HDAC4: variants seen among roughly 807,000 people sequenced by gnomAD.
HDAC4 encodes the protein histone deacetylase 4, also known as histone deacetylase A.
Under a neutral mutation model 135.1 loss-of-function variants are expected in HDAC4, and 16 were observed. The ratio of observed to expected loss-of-function variants is 0.12; its 90% confidence interval spans 0.08 to 0.18. The LOEUF (loss-of-function observed/expected upper bound fraction) is 0.18, where lower values mean the gene tolerates loss of function less well. HDAC4 is among the 10% of genes least tolerant of loss of function. The probability of loss-of-function intolerance (pLI) is 1.00; values close to 1 mark genes in which losing one functional copy is unlikely to be tolerated. For missense variants in HDAC4, 1,143 were observed against 1,511.8 expected, an observed-to-expected ratio of 0.76 and a Z score of 4.05; for synonymous variants, 685 against 653.4, an observed-to-expected ratio of 1.05 and a Z score of -0.74.
intron 16 of HDAC4, among the ~76,000 whole-genome samples, chr2:239,100,892 G>A (rs2037553931): frequency 6.6e-6 from 1 of 152,112 alleles, no homozygotes; most frequent in African/African-American, 2.4e-5. Context: ...CTTCCAGAGG[G>A]ACGGTGGAAG....
intron 22 of HDAC4, among the ~76,000 whole-genome samples, chr2:239,075,566 G>A (rs568027955): frequency 7.2e-5 from 11 of 152,314 alleles, no homozygotes; most frequent in Admixed American, 4.6e-4. Context: ...GCCTGTGCCC[G>A]TGAGGCACGT....
intron 1 of HDAC4, among the ~76,000 whole-genome samples, chr2:239,389,409 C>A (rs1381018743): frequency 1.3e-5 from 2 of 152,290 alleles, no homozygotes; most frequent in Admixed American, 1.3e-4. Context: ...AGCAAGACCA[C>A]GAACCTGCTG....
At chr2:239,204,349 T>C (rs1410081907) in intron 3 of HDAC4, among the ~76,000 whole-genome samples, 1 of 152,192 alleles carries the variant, frequency 6.6e-6, no homozygotes, top group Non-Finnish European at 1.5e-5. Context: ...GCCTGGGCTT[T>C]ATTAGAAAAG....
rs2035621591 is a variant in HDAC4, at chr2:239,084,073, C to T, written c.2532+82G>A. On this transcript the variant is annotated intron_variant, in intron 20 of 26. Coordinates refer to ENST00000543185, the MANE Select transcript of HDAC4 (RefSeq NM_001378414.1). Reference sequence around the variant, plus strand: ...AAGCTTCCCACATCCAAGAGCCCAGCTCCTCTGTCCACACGCTGCTGTCCG... The same window carrying T: ...AAGCTTCCCACATCCAAGAGCCCAGTTCCTCTGTCCACACGCTGCTGTCCG... 6 of 954,428 alleles carry T rather than the reference C, an allele frequency of 6.3e-6. No individual in the cohort carries two copies. The East Asian group carries it at 1.0e-4, about 16-fold the overall frequency. The allele number at this position is 954,428 out of a possible 1,614,324, so 59.1% of individuals were successfully genotyped here.
At chr2:239,287,192 C>A (rs538666886) in intron 2 of HDAC4, among the ~76,000 whole-genome samples, 2 of 152,350 alleles carry the variant, frequency 1.3e-5, no homozygotes, top group Non-Finnish European at 2.9e-5. Flanking sequence ...CCTGTTTTCC[C>A]TGTGGTCCTC....
chr2:239,054,701 C>T (rs376130746), intron 25 of HDAC4, 48 bp downstream of exon 25: 4 of 1,209,722 alleles, frequency 3.3e-6, no homozygotes, highest in African/African-American at 1.5e-5. Flanking sequence ...TGGTGCAGTC[C>T]CACCCCCAGG....
chr2:239,194,819 G>A (rs2045259631), intron 3 of HDAC4, among the ~76,000 whole-genome samples: 1 of 152,228 alleles, frequency 6.6e-6, no homozygotes, highest in Admixed American at 6.5e-5. Flanking sequence ...GGGCAGGCAG[G>A]CAGGGCTCCT....
chr2:239,059,856 G>C (rs1197177954), intron 24 of HDAC4, among the ~76,000 whole-genome samples: 1 of 151,958 alleles, frequency 6.6e-6, no homozygotes, highest in African/African-American at 2.4e-5. Flanking sequence ...TCCTCTGGGG[G>C]GCCTTGGACC....
intron 2 of HDAC4, chr2:239,305,553 T>G (rs1276534322): frequency 6.5e-6 from 1 of 152,794 alleles, no homozygotes. Context: ...GCAAGAGGCT[T>G]TCAAATTTTT....
chr2:239,383,453 A>G (rs775925783), intron 1 of HDAC4, among the ~76,000 whole-genome samples: 10 of 152,202 alleles, frequency 6.6e-5, no homozygotes, highest in African/African-American at 9.6e-5. Flanking sequence ...AGGCAGGGGC[A>G]GGGGTGGCAG....
rs572374902 is a variant in HDAC4, at chr2:239,121,393, T to G, written c.1533+5063A>C. Among the ~76,000 whole-genome samples, 12 of 152,314 alleles carry G rather than the reference T, an allele frequency of 7.9e-5. 1 individual carries two copies. The South Asian group carries it at 2.5e-3, about 32-fold the overall frequency. ...TCAGCCTCTCTTCCTGGGGGGCTGTTTCAGGGGCCCCAAGGCCACTGCAAC... is the reference window on the plus strand; with the variant it reads ...TCAGCCTCTCTTCCTGGGGGGCTGTGTCAGGGGCCCCAAGGCCACTGCAAC... On this transcript the variant is annotated intron_variant, in intron 12 of 26. Transcript: ENST00000543185.
chr2:239,114,779 G>T (rs1464551944), intron 13 of HDAC4, among the ~76,000 whole-genome samples: 1 of 152,158 alleles, frequency 6.6e-6, no homozygotes, highest in South Asian at 2.1e-4. Flanking sequence ...CCTACAGACA[G>T]GAAGGAAATC....
At chr2:239,100,712 T>A (rs766655307) in intron 16 of HDAC4, among the ~76,000 whole-genome samples, 7 of 152,198 alleles carry the variant, frequency 4.6e-5, no homozygotes, top group Non-Finnish European at 1.0e-4. Flanking sequence ...TGGGAACCCC[T>A]GATGTCAGCT....
rs1177168686 is a variant in HDAC4 at position 239,285,721 on chromosome 2, C to G, written c.23-49057G>C. On this transcript the variant is annotated intron_variant, in intron 2 of 26. Coordinates refer to ENST00000543185, the MANE Select transcript of HDAC4 (RefSeq NM_001378414.1). This position sits in a 1 kb window ranked among gnomAD's most constrained non-coding sequence, Gnocchi z 4.5. Reference sequence around the variant, plus strand: ...GGCTCACCAGCAGTAAGGAAACCCTCCAACAAGCCAGAAATATATAATTAA... The same window carrying G: ...GGCTCACCAGCAGTAAGGAAACCCTGCAACAAGCCAGAAATATATAATTAA... Among the ~76,000 whole-genome samples, 1 of 152,144 alleles carries G rather than the reference C, an allele frequency of 6.6e-6. No individual in the cohort carries two copies. Among genetic ancestry groups the G allele is most frequent in the Non-Finnish European group, 1.5e-5 (1 of 68,034 alleles).
At chr2:239,295,377 A>G in intron 2 of HDAC4, among the ~76,000 whole-genome samples, 1 of 151,176 alleles carries the variant, frequency 6.6e-6, no homozygotes, top group East Asian at 2.0e-4. Flanking sequence ...AAAAGAGCAG[A>G]TTTTTATTCA....
Position 239,126,640 on chromosome 2 carries a change from C to T in HDAC4, c.1349G>A (p.Gly450Asp). 6.2e-7 allele frequency: 1 copy of T among 1,614,056 alleles called. No homozygotes were observed. The highest frequency in any genetic ancestry group is 1.3e-5 in the African/African-American group (1 of 75,060). ...GATGGAGGGGGACACCCGGTCTGCACCAACCAAGGACTGTGCGTGGAGGGG... is the reference window on the plus strand; with the variant it reads ...GATGGAGGGGGACACCCGGTCTGCATCAACCAAGGACTGTGCGTGGAGGGG... ...ALPLHAQSLV[G>D]ADRVSPSIHK... The change falls in exon 12 of 27, where the codon GGT becomes GAT. Residue 450 changes from glycine to aspartate, a missense_variant. This residue lies in a region of HDAC4 where 272 missense variants were observed against 309.7 expected (regional missense o/e 0.88). Coordinates refer to ENST00000543185, the MANE Select transcript of HDAC4 (RefSeq NM_001378414.1).
intron 24 of HDAC4, among the ~76,000 whole-genome samples, chr2:239,055,813 G>T (rs1574844031): frequency 6.6e-6 from 1 of 152,186 alleles, no homozygotes; most frequent in East Asian, 1.9e-4. Flanking sequence ...CAAAACCAGG[G>T]GAAACCTGCT....
intron 3 of HDAC4, among the ~76,000 whole-genome samples, chr2:239,210,063 G>A (rs1575416377): frequency 1.3e-5 from 2 of 152,158 alleles, no homozygotes; most frequent in South Asian, 2.1e-4. Flanking sequence ...GCCGAATCTC[G>A]CTTTCGTGAC....
chr2:239,200,491 C>T (rs934284493), intron 3 of HDAC4, among the ~76,000 whole-genome samples: 18 of 152,040 alleles, frequency 1.2e-4, no homozygotes, highest in African/African-American at 4.3e-4. Context: ...CTTGGAGCTT[C>T]GTATGTAGGT....
Sources: allele counts gnomAD v4.1 joint callset (sites outside exome capture counted in the v4.1 genomes callset), GRCh38; gene constraint gnomAD v4.1.1; regional missense constraint gnomAD v4.1.1; non-coding constraint Gnocchi (gnomAD v3.1); transcripts MANE v1.5; gene names NCBI Gene and HGNC (gene_info 2026-07-23, HGNC 2026-07-21).